The following ARFGEF3 variants were observed in gnomAD, a reference collection of about 807,000 sequenced individuals.
ARFGEF3 encodes ARFGEF family member 3.
ARFGEF3 carries 96 observed loss-of-function variants against 221.7 expected under a neutral mutation model. The observed-to-expected ratio is 0.43, with a 90% confidence interval of 0.37 to 0.51. The LOEUF (loss-of-function observed/expected upper bound fraction) is 0.51. Among genes scored for constraint, ARFGEF3 ranks in the 20% least tolerant of loss-of-function variants. ARFGEF3 has a pLI of 0.00. For missense variants in ARFGEF3, 2,410 were observed against 2,789.9 expected (o/e 0.86, Z 3.07); for synonymous variants, 1,145 against 1,126.8 (o/e 1.02, Z -0.32).
intron 7 of ARFGEF3, among the ~76,000 whole-genome samples, chr6:138,243,727 AAG>A (rs1491076239): frequency 2.0e-5 from 3 of 151,934 alleles, no homozygotes; most frequent in Non-Finnish European, 4.4e-5. Flanking sequence ...GGGAAAAAAA[AAG>A]GGAGAGAATG....
chr6:138,334,952 C>T lies in ARFGEF3; in HGVS notation c.6106C>T (p.His2036Tyr). 1 of 1,587,540 alleles carries T rather than the reference C, an allele frequency of 6.3e-7. No homozygotes were observed. The change falls in exon 33 of 34, where the codon CAC becomes TAC. Residue 2036 changes from histidine to tyrosine, a missense_variant. Physicochemically the swap from His to Tyr is moderately conservative, Grantham distance 83. Transcript: ENST00000251691. This position sits in a 1 kb window ranked among gnomAD's most constrained non-coding sequence, Gnocchi z 5.1. ...MTEYKKRKQQ[H>Y]NLSAFPKEVK... ...CGAATACAAAAAGAGGAAACAGCAG[C>T]ACAACCTGTCCGCGTTCCCCAAAGA...
intron 8 of ARFGEF3, among the ~76,000 whole-genome samples, chr6:138,249,018 C>T (rs1778534772): frequency 6.6e-6 from 1 of 152,088 alleles, no homozygotes; most frequent in Non-Finnish European, 1.5e-5. Context: ...GTTCCAGCCA[C>T]CCAGGAACCC....
At chr6:138,210,797 T>C (rs946705863) in intron 4 of ARFGEF3, among the ~76,000 whole-genome samples, 28 of 152,206 alleles carry the variant, frequency 1.8e-4, no homozygotes, top group African/African-American at 5.1e-4. Context: ...TCAGGAATAG[T>C]TGGTGTCATC....
intron 27 of ARFGEF3, among the ~76,000 whole-genome samples, chr6:138,319,029 C>G (rs1779974568): frequency 6.6e-6 from 1 of 151,920 alleles, no homozygotes; most frequent in South Asian, 2.1e-4. Context: ...TCATAGCTCA[C>G]TGCAGTCTCA....
chr6:138,238,403 T>C, intron 5 of ARFGEF3, 106 bp from the exon 6 acceptor site: 1 of 1,209,850 alleles, frequency 8.3e-7, no homozygotes, highest in Non-Finnish European at 1.1e-6. Flanking sequence ...TCAGGCTGAC[T>C]TTCTGTTTAA....
chr6:138,219,902 T>A (rs1777948487), intron 4 of ARFGEF3, among the ~76,000 whole-genome samples: 1 of 152,230 alleles, frequency 6.6e-6, no homozygotes, highest in African/African-American at 2.4e-5. Flanking sequence ...GTAAATCCCA[T>A]CATGTTGACT....
At position 138,296,821 on chromosome 6, in the gene ARFGEF3, T is replaced by C. The variant is rs760501288; in HGVS notation, c.3514T>C (p.Ser1172Pro). Residue 1172 changes from serine to proline, a missense_variant, in exon 21 of 34, where the codon TCC becomes CCC. This residue lies in a region of ARFGEF3 where 723 missense variants were observed against 991.9 expected (regional missense o/e 0.73). Coordinates refer to ENST00000251691, the MANE Select transcript of ARFGEF3 (RefSeq NM_020340.5). Reference sequence around the variant, plus strand: ...TTGCCTTCCTGTAGGAGAAGTTAAATCCACTCAAGACCGAAAAAGCGCCCT... The same window carrying C: ...TTGCCTTCCTGTAGGAGAAGTTAAACCCACTCAAGACCGAAAAAGCGCCCT... Reference protein sequence around the residue: ...YSLAMPGEVKSTQDRKSALHL... With the variant: ...YSLAMPGEVKPTQDRKSALHL... 7 of 1,613,654 alleles carry C rather than the reference T, an allele frequency of 4.3e-6. No homozygotes were observed. The highest frequency in any genetic ancestry group is 5.9e-6 in the Non-Finnish European group (7 of 1,179,808).
intron 28 of ARFGEF3, 91 bp downstream of exon 28, chr6:138,319,970 T>C (rs1460103688): frequency 2.0e-6 from 2 of 1,017,528 alleles, no homozygotes; most frequent in South Asian, 1.5e-5. Flanking sequence ...CTAATGCAAA[T>C]ACGAATGCAG....
rs1038075420 is a variant in ARFGEF3 at position 138,341,899 on chromosome 6, A to C, written c.*5413A>C. 6.6e-6 allele frequency: 1 copy of C among 152,190 alleles called. No individual in the cohort carries two copies. The highest frequency in any genetic ancestry group is 1.5e-5 in the Non-Finnish European group (1 of 68,040). The allele number at this position is 152,190 out of a possible 1,614,324, so 9.4% of individuals were successfully genotyped here. On this transcript the variant is annotated 3_prime_UTR_variant, in exon 34 of 34. Coordinates refer to ENST00000251691, the MANE Select transcript of ARFGEF3 (RefSeq NM_020340.5). ...ATCATTGAAGAGAAACCACTACCAC[A>C]CCACTAGCACCATACAGAACCTTTT...
chr6:138,324,341 C>T (rs1231206939), intron 31 of ARFGEF3, among the ~76,000 whole-genome samples, 187 bp downstream of exon 31: 1 of 152,180 alleles, frequency 6.6e-6, no homozygotes, highest in African/African-American at 2.4e-5. Flanking sequence ...ACAGCATTAC[C>T]TCCTGTCCAT....
At position 138,334,193 on chromosome 6, in the gene ARFGEF3, G is replaced by T; in HGVS notation, c.5347G>T (p.Glu1783Ter). ...GCTGGACTCTTATAGGACTGCCAGG[G>T]AGTTTGACACCAGCCCCGGGCTGAA... ...LLLDSYRTAR[E>*]FDTSPGLKCL... Residue 1783 changes from glutamate (E) to a stop codon, truncating the protein, a stop_gained, in exon 33 of 34, where the codon GAG (glutamate) becomes TAG (stop). Coordinates refer to ENST00000251691, the MANE Select transcript of ARFGEF3 (RefSeq NM_020340.5). LOFTEE classifies it high-confidence loss of function. The surrounding 1 kb of genome is among the most constrained non-coding windows in gnomAD (Gnocchi z 5.1). The T allele has an allele frequency of 6.2e-7, 1 of 1,613,854 alleles. No individual in the cohort carries two copies. Among genetic ancestry groups the T allele is most frequent in the Non-Finnish European group, 8.5e-7 (1 of 1,179,854 alleles).
At chr6:138,313,988 C>A (rs751494879) in intron 26 of ARFGEF3, 49 bp downstream of exon 26, 2 of 1,582,430 alleles carry the variant, frequency 1.3e-6, no homozygotes, top group South Asian at 2.3e-5. Flanking sequence ...TGTTCATATT[C>A]CCAGAAGCTT....
chr6:138,238,170 C>T lies in ARFGEF3; in HGVS notation c.421-339C>T, dbSNP rs192183989. Among the ~76,000 whole-genome samples, 700 of 152,240 alleles carry T rather than the reference C, an allele frequency of 4.6e-3. 1 individual carries two copies. The highest frequency in any genetic ancestry group is 6.7e-3 in the Non-Finnish European group (459 of 68,002). On this transcript the variant is annotated intron_variant, in intron 5 of 33. Transcript: ENST00000251691. Reference sequence around the variant, plus strand: ...TAATAAATTCTGTTCTATTTCACTACGAAGGGAGCTTTTTCTGATTAATTT... The same window carrying T: ...TAATAAATTCTGTTCTATTTCACTATGAAGGGAGCTTTTTCTGATTAATTT...
chr6:138,186,790 C>A (rs925218953), intron 2 of ARFGEF3, among the ~76,000 whole-genome samples: 9 of 152,002 alleles, frequency 5.9e-5, no homozygotes, highest in African/African-American at 2.2e-4. Context: ...GTGTCTGAGC[C>A]AGGATAAAAG....
chr6:138,299,591 G>A (rs1298917805), intron 22 of ARFGEF3, among the ~76,000 whole-genome samples: 1 of 152,210 alleles, frequency 6.6e-6, no homozygotes, highest in Non-Finnish European at 1.5e-5. Flanking sequence ...AAGAAAGTAA[G>A]GAAGCCCCAA....
chr6:138,319,682 A>G, intron 27 of ARFGEF3, 21 bp from the exon 28 acceptor site: 1 of 1,573,660 alleles, frequency 6.4e-7, no homozygotes, highest in Non-Finnish European at 8.6e-7. Flanking sequence ...GGTTGTTGCT[A>G]CGCTGACTTT....
chr6:138,236,952 A>G (rs577839719), intron 5 of ARFGEF3, among the ~76,000 whole-genome samples: 1 of 150,002 alleles, frequency 6.7e-6, no homozygotes, highest in East Asian at 1.9e-4. Flanking sequence ...CAACTTTCAA[A>G]TGTAGGTTTG....
At chr6:138,258,149 T>G (rs1362916780) in intron 10 of ARFGEF3, among the ~76,000 whole-genome samples, 1 of 152,194 alleles carries the variant, frequency 6.6e-6, no homozygotes, top group Non-Finnish European at 1.5e-5. Flanking sequence ...TTCCAGAGCC[T>G]TCTTCCATCA....
At chr6:138,266,336 G>T (rs905748889) in intron 12 of ARFGEF3, among the ~76,000 whole-genome samples, 1 of 152,000 alleles carries the variant, frequency 6.6e-6, no homozygotes, top group Non-Finnish European at 1.5e-5. Context: ...AGAAAGAAGG[G>T]AAGGCAGAAG....
Sources: allele counts gnomAD v4.1 joint callset (sites outside exome capture counted in the v4.1 genomes callset), GRCh38; gene constraint gnomAD v4.1.1; regional missense constraint gnomAD v4.1.1; non-coding constraint Gnocchi (gnomAD v3.1); transcripts MANE v1.5; gene names NCBI Gene and HGNC (gene_info 2026-07-23, HGNC 2026-07-21).